CACNA2D3: variants seen among roughly 807,000 people sequenced by gnomAD.
CACNA2D3 encodes voltage-dependent calcium channel subunit alpha-2/delta-3.
CACNA2D3 carries 60 observed loss-of-function variants against 160.6 expected under a neutral mutation model. That is an observed-to-expected ratio of 0.37 (90% CI 0.30 to 0.46). CACNA2D3 has a LOEUF of 0.46. Ranked by LOEUF, CACNA2D3 falls within the 20% of genes least tolerant of loss-of-function variation. The pLI is 1.00. For missense variants in CACNA2D3, 1,205 were observed against 1,365.0 expected, an observed-to-expected ratio of 0.88 and a Z score of 1.85; for synonymous variants, 558 against 492.9, an observed-to-expected ratio of 1.13 and a Z score of -1.75.
chr3:54,304,152 C>T (rs1292019698), intron 2 of CACNA2D3, among the ~76,000 whole-genome samples: 1 of 152,198 alleles, frequency 6.6e-6, no homozygotes, highest in Non-Finnish European at 1.5e-5. Context: ...TAGCAACTCC[C>T]TTTCTTCCCC....
At chr3:54,620,664 T>C (rs1202287450) in intron 9 of CACNA2D3, among the ~76,000 whole-genome samples, 1 of 152,170 alleles carries the variant, frequency 6.6e-6, no homozygotes, top group East Asian at 1.9e-4. Context: ...GCACGGAATC[T>C]TAGCTTTGCA....
intron 3 of CACNA2D3, among the ~76,000 whole-genome samples, chr3:54,354,357 G>A (rs1010661627): frequency 2.6e-5 from 4 of 152,058 alleles, no homozygotes; most frequent in African/African-American, 9.7e-5. Flanking sequence ...TTGAGACATG[G>A]GCAAAAGTCA....
At chr3:54,914,918 A>G (rs1700629357) in intron 27 of CACNA2D3, among the ~76,000 whole-genome samples, 1 of 152,224 alleles carries the variant, frequency 6.6e-6, no homozygotes, top group African/African-American at 2.4e-5. Context: ...CGGTTGTTGG[A>G]TAATTATGTG....
At chr3:54,538,068 C>T (rs1451320119) in intron 5 of CACNA2D3, among the ~76,000 whole-genome samples, 1 of 152,154 alleles carries the variant, frequency 6.6e-6, no homozygotes, top group African/African-American at 2.4e-5. Flanking sequence ...GGGAGTAGAA[C>T]TCAGGAGGTG....
intron 2 of CACNA2D3, among the ~76,000 whole-genome samples, chr3:54,134,207 C>T (rs978367319): frequency 1.3e-5 from 2 of 152,088 alleles, no homozygotes; most frequent in African/African-American, 4.8e-5. Flanking sequence ...TGTTGCAGGG[C>T]CTTCTGTGCC....
chr3:54,131,292 C>T (rs1699701176), intron 2 of CACNA2D3, among the ~76,000 whole-genome samples: 2 of 152,206 alleles, frequency 1.3e-5, no homozygotes, highest in Non-Finnish European at 2.9e-5. Flanking sequence ...TGGCGGCGGC[C>T]TCTGTCAAGA....
chr3:55,029,153 G>T (rs561251879), intron 35 of CACNA2D3, among the ~76,000 whole-genome samples: 2 of 152,290 alleles, frequency 1.3e-5, no homozygotes, highest in Admixed American at 1.3e-4. Flanking sequence ...TTCTGGAAAT[G>T]ACCTGTATAA....
intron 27 of CACNA2D3, among the ~76,000 whole-genome samples, chr3:54,927,536 A>G (rs1384531212): frequency 6.6e-6 from 1 of 152,160 alleles, no homozygotes; most frequent in African/African-American, 2.4e-5. Context: ...CGCAGAATCC[A>G]CTGATCTATT....
intron 2 of CACNA2D3, among the ~76,000 whole-genome samples, chr3:54,143,723 T>C (rs1699976752): frequency 6.6e-6 from 1 of 152,168 alleles, no homozygotes; most frequent in East Asian, 1.9e-4. Context: ...ATGGTCTCGA[T>C]GTTCTGATCT....
intron 35 of CACNA2D3, among the ~76,000 whole-genome samples, chr3:55,035,363 C>T (rs1703790224): frequency 6.6e-6 from 1 of 152,066 alleles, no homozygotes. Flanking sequence ...GAGGGAGTTG[C>T]AGAAAAACGA....
chr3:54,266,252 G>T (rs1702515326), intron 2 of CACNA2D3, among the ~76,000 whole-genome samples: 1 of 152,128 alleles, frequency 6.6e-6, no homozygotes, highest in South Asian at 2.1e-4. Context: ...TCTTAGTAAT[G>T]CTTCTTAGAA....
intron 2 of CACNA2D3, among the ~76,000 whole-genome samples, chr3:54,181,709 C>G (rs572228388): frequency 6.6e-6 from 1 of 152,072 alleles, no homozygotes; most frequent in Non-Finnish European, 1.5e-5. Context: ...ATTTCATTTA[C>G]TTTTTAAACA....
At chr3:54,173,730 A>G (rs1700616466) in intron 2 of CACNA2D3, among the ~76,000 whole-genome samples, 1 of 152,244 alleles carries the variant, frequency 6.6e-6, no homozygotes, top group Non-Finnish European at 1.5e-5. Context: ...TTCCAGCCCC[A>G]GAAAATTTTA....
At chr3:55,073,741 A>G in intron 36 of CACNA2D3, 36 bp from the exon 37 acceptor site, 5 of 1,565,294 alleles carry the variant, frequency 3.2e-6, no homozygotes, top group Non-Finnish European at 4.4e-6. Context: ...AGTAGAAAAA[A>G]GCAATCCTTG....
intron 2 of CACNA2D3, among the ~76,000 whole-genome samples, chr3:54,214,203 C>A (rs1011913399): frequency 3.9e-5 from 6 of 152,126 alleles, no homozygotes; most frequent in African/African-American, 1.4e-4. Context: ...TTTGAAGTCA[C>A]ACACACAAAA....
At chr3:54,648,845 T>C (rs1699703413) in intron 11 of CACNA2D3, among the ~76,000 whole-genome samples, 1 of 151,880 alleles carries the variant, frequency 6.6e-6, no homozygotes, top group Non-Finnish European at 1.5e-5. Context: ...AGAAAAGGGG[T>C]AGGGCCAGGC....
intron 8 of CACNA2D3, among the ~76,000 whole-genome samples, chr3:54,573,473 A>C (rs1702532266): frequency 6.6e-6 from 1 of 152,244 alleles, no homozygotes; most frequent in Non-Finnish European, 1.5e-5. Flanking sequence ...CTTTTCGCAA[A>C]AATGGATTCA....
At chr3:54,422,696 TG>T (rs1699856397) in intron 4 of CACNA2D3, among the ~76,000 whole-genome samples, 1 of 152,154 alleles carries the variant, frequency 6.6e-6, no homozygotes, top group Admixed American at 6.5e-5. Context: ...TATCAAATGT[TG>T]GTAAGGGCCT....
intron 13 of CACNA2D3, among the ~76,000 whole-genome samples, chr3:54,806,000 C>T (rs1203302879): frequency 6.6e-6 from 1 of 152,192 alleles, no homozygotes; most frequent in Non-Finnish European, 1.5e-5. Flanking sequence ...CAAAATTCAA[C>T]AACCCTTCAT....
Sources: gnomAD v4.1 joint callset for allele counts (sites outside exome capture counted in the v4.1 genomes callset) on GRCh38, gnomAD v4.1.1 for gene constraint, MANE v1.5 for transcripts, NCBI Gene and HGNC (gene_info 2026-07-23, HGNC 2026-07-21) for gene names.